STXBP5L: variants seen among roughly 807,000 people sequenced by gnomAD.
STXBP5L encodes the protein syntaxin-binding protein 5-like.
STXBP5L carries 65 observed loss-of-function variants against 144.5 expected under a neutral mutation model. The observed-to-expected ratio is 0.45, with a 90% CI of 0.37 to 0.55. The LOEUF is 0.55. STXBP5L is among the 20% of genes least tolerant of loss of function. The probability of loss-of-function intolerance (pLI) is 0.00; values close to 1 mark genes in which losing one functional copy is unlikely to be tolerated. For missense variants in STXBP5L, 1,298 were observed against 1,405.5 expected (o/e 0.92, Z 1.22); for synonymous variants, 505 against 469.6 (o/e 1.08, Z -0.97).
At chr3:120,921,121 A>G (rs1249152219) in intron 2 of STXBP5L, among the ~76,000 whole-genome samples, 1 of 151,926 alleles carries the variant, frequency 6.6e-6, no homozygotes, top group African/African-American at 2.4e-5. Flanking sequence ...CTCTCTCCAC[A>G]TCCTTGCCAG....
At chr3:120,959,667 T>C (rs563548669) in intron 3 of STXBP5L, among the ~76,000 whole-genome samples, 5 of 150,436 alleles carry the variant, frequency 3.3e-5, no homozygotes, top group Middle Eastern at 3.4e-3. Flanking sequence ...TTCCCTATTT[T>C]ATAAATGATG....
At chr3:121,275,933 G>T (rs2050868084) in intron 18 of STXBP5L, among the ~76,000 whole-genome samples, 1 of 151,932 alleles carries the variant, frequency 6.6e-6, no homozygotes, top group Non-Finnish European at 1.5e-5. Flanking sequence ...ATATAGTTGG[G>T]TCTTACTTTT....
intron 10 of STXBP5L, among the ~76,000 whole-genome samples, chr3:121,215,161 G>T (rs974927665): frequency 2.0e-5 from 3 of 151,928 alleles, no homozygotes; most frequent in Non-Finnish European, 2.9e-5. Context: ...TATCCAATTT[G>T]CCAGTCTGCG....
At chr3:121,020,308 A>G (rs188071497) in intron 3 of STXBP5L, among the ~76,000 whole-genome samples, 1 of 152,212 alleles carries the variant, frequency 6.6e-6, no homozygotes, top group Admixed American at 6.5e-5. Flanking sequence ...CCCCAGGAAG[A>G]GGAGAAATCT....
rs1027314646 is a variant in STXBP5L at position 121,025,358 on chromosome 3, C to T, written c.288-16342C>T. ...TAGCAAGAAATACTATTGCTTATAA[C>T]TCAACCCTATATGGTTTGCTCTTTT... is the stretch of plus-strand genomic sequence containing the variant. On this transcript the variant is annotated intron_variant, in intron 3 of 26. Coordinates refer to ENST00000471454, the MANE Select transcript of STXBP5L (RefSeq NM_001308330.2). Among the ~76,000 whole-genome samples the T allele has an allele frequency of 3.3e-5, 5 of 152,060 alleles. No individual in the cohort carries two copies. In the South Asian group the frequency reaches 8.3e-4, roughly 25 times the overall value.
intron 20 of STXBP5L, among the ~76,000 whole-genome samples, chr3:121,352,176 T>C (rs1430672329): frequency 6.6e-6 from 1 of 152,114 alleles, no homozygotes; most frequent in Non-Finnish European, 1.5e-5. Flanking sequence ...GGATCTTTTT[T>C]CGTTCCGTAT....
chr3:121,184,752 A>G (rs1307145555), intron 9 of STXBP5L, among the ~76,000 whole-genome samples: 2 of 152,130 alleles, frequency 1.3e-5, no homozygotes, highest in African/African-American at 4.8e-5. Flanking sequence ...CAAACCCAAG[A>G]CACACAATTG....
intron 3 of STXBP5L, among the ~76,000 whole-genome samples, chr3:120,968,550 T>A (rs1939864367): frequency 6.6e-6 from 1 of 152,190 alleles, no homozygotes; most frequent in South Asian, 2.1e-4. Context: ...AAAAATCCAT[T>A]CAGCCACCCT....
At chr3:121,225,526 C>T (rs2049095753) in intron 11 of STXBP5L, among the ~76,000 whole-genome samples, 1 of 151,992 alleles carries the variant, frequency 6.6e-6, no homozygotes, top group Non-Finnish European at 1.5e-5. Context: ...ATGGGACAAG[C>T]AGAAATGACT....
At position 121,233,663 on chromosome 3, in the gene STXBP5L, A is replaced by G. The variant is rs779114066; in HGVS notation, c.1159A>G (p.Ile387Val). The G allele has an allele frequency of 7.4e-6, 12 of 1,612,500 alleles. No individual in the cohort carries two copies. The East Asian group carries it at 1.8e-4, about 24-fold the overall frequency. The stretch of plus-strand genomic sequence containing the variant: ...CGTGGTACTTCTGGAGAAAGATCTC[A>G]TTGTAGTTGATCTGACACAAAGCAA... The part of the protein sequence containing the change: ...AVVVLLEKDL[I>V]VVDLTQSNFP... Residue 387 changes from isoleucine (I) to valine (V), a missense_variant, in exon 12 of 27, where the codon ATT becomes GTT. Physicochemically the swap from Ile to Val is conservative, Grantham distance 29 (BLOSUM62 3). Coordinates refer to ENST00000471454, the MANE Select transcript of STXBP5L (RefSeq NM_001308330.2).
intron 10 of STXBP5L, among the ~76,000 whole-genome samples, chr3:121,219,571 C>T (rs2048911995): frequency 6.6e-6 from 1 of 152,040 alleles, no homozygotes; most frequent in African/African-American, 2.4e-5. Context: ...ACTAAGATGG[C>T]CTCTAGGCTT....
chr3:121,347,697 G>T (rs1372256437), intron 20 of STXBP5L, among the ~76,000 whole-genome samples: 1 of 152,020 alleles, frequency 6.6e-6, no homozygotes, highest in Non-Finnish European at 1.5e-5. Flanking sequence ...GGATTCCTAG[G>T]TATTTTATTC....
intron 5 of STXBP5L, among the ~76,000 whole-genome samples, chr3:121,098,168 TTGG>T (rs981422090): frequency 6.6e-6 from 1 of 152,118 alleles, no homozygotes; most frequent in African/African-American, 2.4e-5. Flanking sequence ...GGTTTGAAAA[TTGG>T]TGGAGATTGT....
At chr3:121,056,252 A>C (rs556192816) in intron 5 of STXBP5L, among the ~76,000 whole-genome samples, 1 of 152,232 alleles carries the variant, frequency 6.6e-6, no homozygotes, top group Non-Finnish European at 1.5e-5. Context: ...TATTTTAGGC[A>C]TAGCAGTCCT....
At chr3:121,005,108 A>G (rs1378584376) in intron 3 of STXBP5L, among the ~76,000 whole-genome samples, 2 of 152,192 alleles carry the variant, frequency 1.3e-5, no homozygotes, top group East Asian at 1.9e-4. Context: ...ATTGATTGGA[A>G]TAGTTTCAGA....
chr3:121,382,606 G>A (rs79047065), intron 22 of STXBP5L, among the ~76,000 whole-genome samples: 19,222 of 151,760 alleles, frequency 0.13, 1,358 homozygotes, highest in Middle Eastern at 0.18. Flanking sequence ...AATATGTACC[G>A]GGCATTCCTC....
intron 20 of STXBP5L, among the ~76,000 whole-genome samples, chr3:121,329,511 T>A (rs1205065441): frequency 1.3e-5 from 2 of 150,816 alleles, no homozygotes; most frequent in African/African-American, 5.0e-5. Flanking sequence ...CAAATTAGAA[T>A]TTTTTTATAC....
At chr3:121,293,976 A>T (rs1461196919) in intron 19 of STXBP5L, among the ~76,000 whole-genome samples, 1 of 152,262 alleles carries the variant, frequency 6.6e-6, no homozygotes, top group Non-Finnish European at 1.5e-5. Flanking sequence ...GAAGAGAAAA[A>T]GTGAGTGAAG....
intron 8 of STXBP5L, among the ~76,000 whole-genome samples, chr3:121,153,294 TG>T (rs2045995413): frequency 6.6e-6 from 1 of 152,082 alleles, no homozygotes; most frequent in South Asian, 2.1e-4. Flanking sequence ...ACCGTAAAAC[TG>T]GGGGCAACAG....
Sources: allele counts gnomAD v4.1 joint callset (sites outside exome capture counted in the v4.1 genomes callset), GRCh38; gene constraint gnomAD v4.1.1; transcripts MANE v1.5; gene names NCBI Gene and HGNC (gene_info 2026-07-23, HGNC 2026-07-21).